KDM1B: variants seen among roughly 807,000 people sequenced by gnomAD.
KDM1B encodes lysine demethylase 1B, also known as lysine-specific histone demethylase 2.
A neutral mutation model predicts 107.4 loss-of-function variants in KDM1B; 63 were observed. The observed-to-expected ratio is 0.59, with a 90% CI of 0.48 to 0.72. The LOEUF is 0.72. Among genes scored for constraint, KDM1B ranks in the 30% least tolerant of loss-of-function variants. KDM1B has a pLI of 0.00. For synonymous variants in KDM1B, 363 were observed against 363.9 expected (o/e 1.00, Z 0.03); for missense variants, 749 against 1,020.8 (o/e 0.73, Z 3.63).
chr6:18,184,787 G>A (rs1786737247), intron 7 of KDM1B, among the ~76,000 whole-genome samples: 1 of 121,876 alleles, frequency 8.2e-6, no homozygotes, highest in East Asian at 2.6e-4. Context: ...TCCAGGTGGA[G>A]TGCAGTGGTG....
chr6:18,213,855 A>G lies in KDM1B; in HGVS notation c.2109+74A>G, dbSNP rs1042481637. 1 of 1,536,262 alleles carries G rather than the reference A, an allele frequency of 6.5e-7. No individual in the cohort carries two copies. On this transcript the variant is annotated intron_variant, in intron 19 of 21. Transcript: ENST00000650836. The surrounding 1 kb of genome is among the most constrained non-coding windows in gnomAD (Gnocchi z 5.9). ...AATTTGATGTGATAATTACTCACCT[A>G]TCAAGCTCAGGAACTAACGAACATC...
intron 3 of KDM1B, 82 bp from the exon 4 acceptor site, chr6:18,161,245 C>G: frequency 1.5e-6 from 2 of 1,305,610 alleles, no homozygotes; most frequent in Non-Finnish European, 1.1e-6. Context: ...TAGAACTCAG[C>G]TGTGATTTCA....
At chr6:18,156,671 T>C (rs545798738) in intron 2 of KDM1B, among the ~76,000 whole-genome samples, 1 of 152,222 alleles carries the variant, frequency 6.6e-6, no homozygotes, top group African/African-American at 2.4e-5. Context: ...TTATTCAATA[T>C]TGGGAGGCCG....
In KDM1B at chr6:18,209,435, A is replaced by G. The variant is rs898836144; in HGVS notation, c.1866+1229A>G. On this transcript the variant is annotated intron_variant, in intron 17 of 21. Transcript: ENST00000650836. The surrounding 1 kb of genome is among the most constrained non-coding windows in gnomAD (Gnocchi z 4.3). Reference sequence around the variant, plus strand: ...CATGTCACATGGGAAAGACAGGTCTAGGGAATGAGTTAGTCGGGGCAGGGG... The same window carrying G: ...CATGTCACATGGGAAAGACAGGTCTGGGGAATGAGTTAGTCGGGGCAGGGG... 3.7e-4 allele frequency among the ~76,000 whole-genome samples: 57 copies of G among 152,320 alleles called. No individual in the cohort carries two copies. Among genetic ancestry groups the G allele is most frequent in the African/African-American group, 1.3e-3 (53 of 41,562 alleles).
At chr6:18,219,927 TCTA>T (rs1789548890) in intron 21 of KDM1B, among the ~76,000 whole-genome samples, 1 of 152,206 alleles carries the variant, frequency 6.6e-6, no homozygotes, top group South Asian at 2.1e-4. Context: ...CGCCCTGATC[TCTA>T]AGTCACATCT....
intron 20 of KDM1B, among the ~76,000 whole-genome samples, chr6:18,216,698 C>A (rs1789262411): frequency 6.6e-6 from 1 of 152,204 alleles, no homozygotes; most frequent in Non-Finnish European, 1.5e-5. Context: ...TACCTCCACA[C>A]TGTAGACATT....
intron 5 of KDM1B, among the ~76,000 whole-genome samples, chr6:18,164,972 T>G (rs999199637): frequency 2.0e-5 from 3 of 152,034 alleles, no homozygotes; most frequent in Non-Finnish European, 2.9e-5. Context: ...TTTACACTTA[T>G]AGTTTTTTTG....
chr6:18,199,034 G>GA lies in KDM1B; in HGVS notation c.1221+1380dup, dbSNP rs1199733625. ...AAAAAAAAAAAAAAAAAAAAAAAAA[G>GA]AAAAAAACAGAAAATTAGCCGGGCA... On this transcript the variant is annotated intron_variant, in intron 12 of 21. Coordinates refer to ENST00000650836, the MANE Select transcript of KDM1B (RefSeq NM_001364614.2). Among the ~76,000 whole-genome samples the GA allele has an allele frequency of 7.3e-5, 8 of 109,820 alleles. No homozygotes were observed. In the East Asian group the frequency reaches 1.6e-3, roughly 22 times the overall value. The allele number at this position is 109,820 out of a possible 152,430, so 72.0% of individuals were successfully genotyped here. A position where few individuals can be genotyped will look rare whatever the true frequency, so the allele number is the denominator to read the frequency against.
intron 10 of KDM1B, among the ~76,000 whole-genome samples, chr6:18,192,730 T>G (rs1787359530): frequency 7.4e-6 from 1 of 135,900 alleles, no homozygotes; most frequent in Non-Finnish European, 1.5e-5. Flanking sequence ...GATAGTGAGA[T>G]CCCGTCTCAA....
In KDM1B at chr6:18,207,679, G is replaced by C. The variant is rs547518164; in HGVS notation, c.1791+150G>C. 4 of 885,546 alleles carry C rather than the reference G, an allele frequency of 4.5e-6. No individual in the cohort carries two copies. In the South Asian group the frequency reaches 6.5e-5, roughly 14 times the overall value. The allele number at this position is 885,546 out of a possible 1,614,324, so 54.9% of individuals were successfully genotyped here. A position where few individuals can be genotyped will look rare whatever the true frequency, so the allele number is the denominator to read the frequency against. On this transcript the variant is annotated intron_variant, in intron 16 of 21. Coordinates refer to ENST00000650836, the MANE Select transcript of KDM1B (RefSeq NM_001364614.2). ...TTGTGGCTCATTCGTAGCCTGTGTA[G>C]CATTATCCATGTCAGTGAGGCAGCT... is the stretch of plus-strand genomic sequence containing the variant.
Position 18,200,426 on chromosome 6 carries a change from T to C in KDM1B, c.1222-13T>C. 6.2e-7 allele frequency: 1 copy of C among 1,612,590 alleles called. No homozygotes were observed. The highest frequency in any genetic ancestry group is 8.5e-7 in the Non-Finnish European group (1 of 1,179,388). ...GTGTCCTATTTAGCTTCCCTGACTGTCTGTCTTTTTAGGTGACTGTCCTGG... is the reference window on the plus strand; with the variant it reads ...GTGTCCTATTTAGCTTCCCTGACTGCCTGTCTTTTTAGGTGACTGTCCTGG... On this transcript the variant is annotated splice_polypyrimidine_tract_variant and intron_variant, in intron 12 of 21. Coordinates refer to ENST00000650836, the MANE Select transcript of KDM1B (RefSeq NM_001364614.2). The surrounding 1 kb of genome is among the most constrained non-coding windows in gnomAD (Gnocchi z 4.3).
intron 5 of KDM1B, among the ~76,000 whole-genome samples, chr6:18,165,621 G>A (rs1017972566): frequency 1.6e-4 from 24 of 152,082 alleles, no homozygotes; most frequent in African/African-American, 5.3e-4. Context: ...TTAGGAGTTC[G>A]GGACCAGCCT....
intron 5 of KDM1B, 121 bp downstream of exon 5, chr6:18,163,045 A>G (rs116658920): frequency 0.018 from 11,589 of 635,368 alleles, 155 homozygotes; most frequent in Non-Finnish European, 0.023. Context: ...TCTTTCAGCC[A>G]TGCCTGTGAT....
chr6:18,215,797 A>G (rs968906567), intron 20 of KDM1B, among the ~76,000 whole-genome samples: 28 of 121,434 alleles, frequency 2.3e-4, no homozygotes, highest in Non-Finnish European at 3.9e-4. Context: ...CGTGGATTCT[A>G]TATTTACTGA....
chr6:18,210,257 G>A (rs1365488646), intron 17 of KDM1B, among the ~76,000 whole-genome samples: 4 of 148,748 alleles, frequency 2.7e-5, no homozygotes, highest in East Asian at 2.0e-4. Flanking sequence ...TTGACATCTC[G>A]CTTTTATTAC....
chr6:18,169,331 T>C (rs951352989), intron 6 of KDM1B, among the ~76,000 whole-genome samples: 3 of 151,556 alleles, frequency 2.0e-5, no homozygotes, highest in Non-Finnish European at 4.4e-5. Context: ...GCCTTCTGGG[T>C]TCAGGTGATT....
chr6:18,216,279 C>T (rs1354989047), intron 20 of KDM1B, among the ~76,000 whole-genome samples: 1 of 152,124 alleles, frequency 6.6e-6, no homozygotes, highest in Non-Finnish European at 1.5e-5. Flanking sequence ...CAGGGTTTCA[C>T]CATGTTTGCC....
rs1784829499 is a variant in KDM1B at position 18,159,395 on chromosome 6, T to A, written c.-13-488T>A. Among the ~76,000 whole-genome samples the A allele has an allele frequency of 6.6e-6, 1 of 152,152 alleles. No individual in the cohort carries two copies. Among genetic ancestry groups the A allele is most frequent in the Non-Finnish European group, 1.5e-5 (1 of 68,022 alleles). ...ATTGAATTTTATAAACATAGTGTGGTTTGTTTATTGGTCATTCATGTGGCA... is the reference window on the plus strand; with the variant it reads ...ATTGAATTTTATAAACATAGTGTGGATTGTTTATTGGTCATTCATGTGGCA... On this transcript the variant is annotated intron_variant, in intron 2 of 21. Transcript: ENST00000650836. This position sits in a 1 kb window ranked among gnomAD's most constrained non-coding sequence, Gnocchi z 4.5.
intron 7 of KDM1B, among the ~76,000 whole-genome samples, chr6:18,179,644 T>C (rs1467053824): frequency 1.3e-5 from 2 of 152,090 alleles, no homozygotes; most frequent in African/African-American, 4.8e-5. Context: ...ATCTATGTTG[T>C]CACATTTTTA....
Sources: gnomAD v4.1 joint callset for allele counts (sites outside exome capture counted in the v4.1 genomes callset) on GRCh38, gnomAD v4.1.1 for gene constraint, Gnocchi (gnomAD v3.1) non-coding constraint, MANE v1.5 for transcripts, NCBI Gene and HGNC (gene_info 2026-07-23, HGNC 2026-07-21) for gene names.